The following ZDHHC14 variants were observed in gnomAD, a reference collection of about 807,000 sequenced individuals.
ZDHHC14 encodes palmitoyltransferase ZDHHC14.
In ZDHHC14, 16 loss-of-function variants were observed where a neutral mutation model predicts 47.7. That is an observed-to-expected ratio of 0.34 (90% confidence interval 0.23 to 0.51). The LOEUF is 0.51. Ranked by LOEUF, ZDHHC14 falls within the 20% of genes least tolerant of loss-of-function variation. ZDHHC14 has a pLI of 0.97. For missense variants in ZDHHC14, 515 were observed against 662.5 expected (o/e 0.78, Z 2.44); for synonymous variants, 293 against 278.9 (o/e 1.05, Z -0.50).
chr6:157,496,858 G>C (rs1362912351), intron 1 of ZDHHC14, among the ~76,000 whole-genome samples: 1 of 152,230 alleles, frequency 6.6e-6, no homozygotes, highest in Admixed American at 6.5e-5. Flanking sequence ...AACTGCCCAA[G>C]GGCTTCCTTT....
chr6:157,417,331 T>C (rs1197685258), intron 1 of ZDHHC14, among the ~76,000 whole-genome samples: 1 of 152,220 alleles, frequency 6.6e-6, no homozygotes, highest in Non-Finnish European at 1.5e-5. Flanking sequence ...CATGTGTGTA[T>C]ATTTTACACA....
In ZDHHC14 at chr6:157,411,802, G is replaced by A. The variant is rs1055736527; in HGVS notation, c.245+29536G>A. 1.3e-5 allele frequency among the ~76,000 whole-genome samples: 2 copies of A among 151,586 alleles called. 1 individual carries two copies. The highest frequency in any genetic ancestry group is 4.1e-4 in the South Asian group (2 of 4,826). On this transcript the variant is annotated intron_variant, in intron 1 of 8. Transcript: ENST00000359775. ...GCTTTCCAGGCATCTCTGATGTGTG[G>A]CCACTGGTTTAGACCACACAGTCAT...
intron 4 of ZDHHC14, chr6:157,630,825 ACTCACT>A (rs912997458): frequency 1.1e-4 from 13 of 121,616 alleles, no homozygotes; most frequent in Non-Finnish European, 3.5e-5. Flanking sequence ...GGACACCCAC[ACTCACT>A]CTAGCCACTC....
intron 1 of ZDHHC14, among the ~76,000 whole-genome samples, chr6:157,422,771 G>A (rs148040817): frequency 1.3e-5 from 2 of 152,272 alleles, no homozygotes; most frequent in Middle Eastern, 3.4e-3. Context: ...CATTTGTATC[G>A]ACCCCTTCTG....
chr6:157,622,574 C>A (rs1785238939), intron 3 of ZDHHC14, among the ~76,000 whole-genome samples: 1 of 152,134 alleles, frequency 6.6e-6, no homozygotes, highest in East Asian at 1.9e-4. Flanking sequence ...GGGGCTCTCA[C>A]TGGTACCCCA....
At chr6:157,400,326 G>C (rs1334107987) in intron 1 of ZDHHC14, among the ~76,000 whole-genome samples, 1 of 152,170 alleles carries the variant, frequency 6.6e-6, no homozygotes, top group Non-Finnish European at 1.5e-5. Flanking sequence ...ACTGTGCTCT[G>C]TTCCTGGGAA....
chr6:157,438,624 C>T (rs150151235), intron 1 of ZDHHC14, among the ~76,000 whole-genome samples: 12 of 152,320 alleles, frequency 7.9e-5, no homozygotes, highest in Non-Finnish European at 1.6e-4. Context: ...TAACATTGTT[C>T]GTACAAGACG....
intron 2 of ZDHHC14, among the ~76,000 whole-genome samples, chr6:157,588,017 G>C (rs1275456514): frequency 6.6e-6 from 1 of 152,138 alleles, no homozygotes; most frequent in Non-Finnish European, 1.5e-5. Flanking sequence ...CACTTTAGGA[G>C]GCCAAGGCAG....
At chr6:157,414,946 C>T (rs762171170) in intron 1 of ZDHHC14, among the ~76,000 whole-genome samples, 1 of 149,126 alleles carries the variant, frequency 6.7e-6, no homozygotes, top group Admixed American at 6.8e-5. Context: ...TTGCTTGGAT[C>T]TTCGTAACTC....
At chr6:157,527,607 G>T (rs1390543119) in intron 1 of ZDHHC14, among the ~76,000 whole-genome samples, 2 of 152,122 alleles carry the variant, frequency 1.3e-5, no homozygotes, top group Non-Finnish European at 2.9e-5. Context: ...ACGAGGTTTT[G>T]CCACAGAGCG....
At chr6:157,583,547 T>C in intron 2 of ZDHHC14, among the ~76,000 whole-genome samples, 1 of 152,094 alleles carries the variant, frequency 6.6e-6, no homozygotes, top group East Asian at 1.9e-4. Flanking sequence ...TTTTGTTTTG[T>C]TTGTTTTTGG....
chr6:157,663,737 G>A (rs370551093), intron 8 of ZDHHC14, among the ~76,000 whole-genome samples: 10 of 152,104 alleles, frequency 6.6e-5, no homozygotes, highest in African/African-American at 1.7e-4. Context: ...GCTCTTTCCC[G>A]ACTCTCCTCT....
intron 3 of ZDHHC14, among the ~76,000 whole-genome samples, chr6:157,593,848 C>T (rs1174131465): frequency 6.6e-6 from 1 of 152,190 alleles, no homozygotes; most frequent in Non-Finnish European, 1.5e-5. Context: ...ACCCACAGAC[C>T]CTCTTCTCTC....
chr6:157,655,251 C>G (rs974366697), intron 8 of ZDHHC14, among the ~76,000 whole-genome samples: 1 of 152,162 alleles, frequency 6.6e-6, no homozygotes, highest in Non-Finnish European at 1.5e-5. Flanking sequence ...CAGCTGTGTT[C>G]AGGGCGCGTG....
At chr6:157,458,848 G>GTTTTTTTTTT (rs1778990291) in intron 1 of ZDHHC14, among the ~76,000 whole-genome samples, 3 of 68,784 alleles carry the variant, frequency 4.4e-5, no homozygotes, top group Non-Finnish European at 8.3e-5. Flanking sequence ...AATGTGGGTG[G>GTTTTTTTTTT]ATTTTTTTTT....
chr6:157,650,129 A>T (rs6920753), intron 7 of ZDHHC14, among the ~76,000 whole-genome samples: 1 of 131,424 alleles, frequency 7.6e-6, no homozygotes. Context: ...GAGAGGGGCC[A>T]GCTTCTGGGC....
At chr6:157,454,177 C>T (rs895310187) in intron 1 of ZDHHC14, among the ~76,000 whole-genome samples, 1 of 152,198 alleles carries the variant, frequency 6.6e-6, no homozygotes, top group Non-Finnish European at 1.5e-5. Flanking sequence ...AACAGCTGCT[C>T]CAGCTCCAGC....
intron 1 of ZDHHC14, among the ~76,000 whole-genome samples, chr6:157,468,665 G>A (rs868857467): frequency 6.6e-6 from 1 of 152,186 alleles, no homozygotes; most frequent in Non-Finnish European, 1.5e-5. Context: ...TTGTGAAGTC[G>A]TCTTGCTTTC....
chr6:157,552,991 G>T (rs35059014), intron 2 of ZDHHC14, among the ~76,000 whole-genome samples: 61,882 of 152,028 alleles, frequency 0.41, 12,657 homozygotes, highest in Admixed American at 0.45. Flanking sequence ...AGACCATGCA[G>T]GGTCATAGGG....
Sources: allele counts gnomAD v4.1 joint callset (sites outside exome capture counted in the v4.1 genomes callset), GRCh38; gene constraint gnomAD v4.1.1; transcripts MANE v1.5; gene names NCBI Gene and HGNC (gene_info 2026-07-23, HGNC 2026-07-21).